The following CFH variants were observed in gnomAD, a reference collection of about 807,000 sequenced individuals.
CFH encodes the protein H factor 1 (complement).
CFH carries 53 observed loss-of-function variants against 147.3 expected under a neutral mutation model. The observed-to-expected ratio is 0.36, with a 90% CI of 0.29 to 0.45. The LOEUF is 0.45. CFH is among the 20% of genes least tolerant of loss of function. The pLI, the probability that CFH is intolerant of heterozygous loss-of-function variation, is 1.00. For missense variants in CFH, 1,380 were observed against 1,498.0 expected (o/e 0.92, Z 1.30); for synonymous variants, 536 against 489.4 (o/e 1.10, Z -1.26).
chr1:196,677,241 A>C (rs1411834630), intron 4 of CFH: 1 of 445,086 alleles, frequency 2.2e-6, no homozygotes, highest in Admixed American at 3.7e-5. Flanking sequence ...ACAAGCTAGC[A>C]TTGAAAGTAG....
At chr1:196,692,764 TTC>T (rs1558163600) in intron 9 of CFH, among the ~76,000 whole-genome samples, 6 of 38,176 alleles carry the variant, frequency 1.6e-4, no homozygotes, top group African/African-American at 9.1e-4. Flanking sequence ...CTTTCTTTCT[TTC>T]TTTCTTTCTT....
chr1:196,717,747 C>T (rs183020053), intron 11 of CFH, among the ~76,000 whole-genome samples: 13 of 152,172 alleles, frequency 8.5e-5, no homozygotes, highest in Admixed American at 7.9e-4. Flanking sequence ...GCTGCAAAGG[C>T]TGAACACATG....
rs765897045 is a variant in CFH, at chr1:196,673,020, C to T, written c.101C>T (p.Thr34Ile). The T allele has an allele frequency of 1.2e-6, 2 of 1,613,902 alleles. No homozygotes were observed. Among genetic ancestry groups the T allele is most frequent in the Non-Finnish European group, 8.5e-7 (1 of 1,179,938 alleles). Reference sequence around the variant, plus strand: ...CCAAGAAGAAATACAGAAATTCTGACAGGTTCCTGGTCTGACCAAACATAT... The same window carrying T: ...CCAAGAAGAAATACAGAAATTCTGATAGGTTCCTGGTCTGACCAAACATAT... Reference protein sequence around the residue: ...LPPRRNTEILTGSWSDQTYPE... With the variant: ...LPPRRNTEILIGSWSDQTYPE... Residue 34 changes from threonine (T) to isoleucine (I), a missense_variant, in exon 2 of 22, where the codon ACA (threonine) becomes ATA (isoleucine). Transcript: ENST00000367429.
chr1:196,682,907 GAGCTGAATGGACAC>G (rs1168965098), intron 6 of CFH, among the ~76,000 whole-genome samples: 1 of 151,478 alleles, frequency 6.6e-6, no homozygotes, highest in East Asian at 1.9e-4. Context: ...ATAAACTTAG[GAGCTGAATGGACAC>G]AGTGGAAGTA....
intron 11 of CFH, among the ~76,000 whole-genome samples, chr1:196,723,114 G>T (rs538644171): frequency 6.6e-6 from 1 of 152,200 alleles, no homozygotes; most frequent in Admixed American, 6.5e-5. Context: ...AAGAGTTAGT[G>T]TGATCCTTTG....
At chr1:196,657,739 A>G (rs1307472034) in intron 1 of CFH, among the ~76,000 whole-genome samples, 1 of 152,162 alleles carries the variant, frequency 6.6e-6, no homozygotes, top group Non-Finnish European at 1.5e-5. Context: ...GCTTTATAAT[A>G]TATTCTGATA....
chr1:196,709,526 C>T (rs147887277), intron 9 of CFH, among the ~76,000 whole-genome samples: 6 of 152,054 alleles, frequency 3.9e-5, no homozygotes, highest in Non-Finnish European at 5.9e-5. Context: ...GGATCAAGCC[C>T]GGAAGGAACT....
chr1:196,689,958 T>A, intron 8 of CFH, 105 bp from the exon 9 acceptor site: 1 of 1,267,742 alleles, frequency 7.9e-7, no homozygotes, highest in Non-Finnish European at 1.1e-6. Flanking sequence ...TTTGGATGTT[T>A]ATGCAATCTT....
chr1:196,707,373 T>C (rs203686), intron 9 of CFH, among the ~76,000 whole-genome samples: 1 of 152,202 alleles, frequency 6.6e-6, no homozygotes, highest in Non-Finnish European at 1.5e-5. Context: ...TATTATCAAA[T>C]ATACACAATC....
chr1:196,696,850 A>G (rs1355910864), intron 9 of CFH, among the ~76,000 whole-genome samples: 2 of 152,202 alleles, frequency 1.3e-5, no homozygotes, highest in East Asian at 3.9e-4. Flanking sequence ...AAATAATGCT[A>G]CATATCCACA....
At chr1:196,686,237 T>C (rs1271446949) in intron 7 of CFH, among the ~76,000 whole-genome samples, 1 of 152,094 alleles carries the variant, frequency 6.6e-6, no homozygotes, top group East Asian at 1.9e-4. Flanking sequence ...ATATCAATTA[T>C]CTACTCACAC....
At chr1:196,736,759 T>A (rs1558183003) in intron 15 of CFH, 65 bp from the exon 16 acceptor site, 4 of 824,674 alleles carry the variant, frequency 4.9e-6, no homozygotes, top group African/African-American at 1.8e-5. Flanking sequence ...TCAAAAATTC[T>A]AATTTTAATA....
intron 15 of CFH, among the ~76,000 whole-genome samples, chr1:196,729,006 T>G (rs1669217075): frequency 2.0e-5 from 3 of 152,134 alleles, no homozygotes; most frequent in African/African-American, 7.2e-5. Flanking sequence ...ATCTATTAAT[T>G]TATTGTTCAT....
At chr1:196,678,755 C>CAGGGAA (rs1451204918) in intron 5 of CFH, 3 of 151,838 alleles carry the variant, frequency 2.0e-5, no homozygotes, top group Admixed American at 6.6e-5. Flanking sequence ...TACCAGAGTT[C>CAGGGAA]AGGGAAAGGG....
chr1:196,726,778 G>A lies in CFH; in HGVS notation c.2074G>A (p.Gly692Arg). ...PVCIVEESTCGDIPELEHGWA... is the reference protein window; with the variant it reads ...PVCIVEESTCRDIPELEHGWA... ...TTACATAGTGGAGGAGAGTACCTGT[G>A]GAGATATACCTGAACTTGAACATGG... The change falls in exon 14 of 22, where the codon GGA (glycine) becomes AGA (arginine). Residue 692 changes from glycine (G) to arginine (R), a missense_variant. Coordinates refer to ENST00000367429, the MANE Select transcript of CFH (RefSeq NM_000186.4). 1.2e-6 allele frequency: 2 copies of A among 1,613,722 alleles called. No homozygotes were observed. Among genetic ancestry groups the A allele is most frequent in the Non-Finnish European group, 1.7e-6 (2 of 1,179,790 alleles).
At chr1:196,714,636 T>TATATATATATATAC (rs1668807703) in intron 10 of CFH, among the ~76,000 whole-genome samples, 3 of 16,256 alleles carry the variant, frequency 1.8e-4, no homozygotes, top group African/African-American at 1.2e-3. Flanking sequence ...CGTATATATG[T>TATATATATATATAC]ATATATATAT....
intron 1 of CFH, among the ~76,000 whole-genome samples, chr1:196,665,337 T>A (rs28688002): frequency 0.24 from 36,631 of 150,344 alleles, 4,694 homozygotes; most frequent in East Asian, 0.39. Context: ...TTTTTTGATA[T>A]TTATTCATAC....
chr1:196,668,939 G>C (rs1455976706), intron 1 of CFH, among the ~76,000 whole-genome samples: 1 of 152,198 alleles, frequency 6.6e-6, no homozygotes, highest in East Asian at 1.9e-4. Flanking sequence ...GGTTGGAACA[G>C]TTTGGAGGTC....
At chr1:196,666,007 C>A (rs555101963) in intron 1 of CFH, among the ~76,000 whole-genome samples, 1 of 152,288 alleles carries the variant, frequency 6.6e-6, no homozygotes, top group South Asian at 2.1e-4. Flanking sequence ...GGTTACTTGG[C>A]TTGAAGGAAA....
Sources: allele counts gnomAD v4.1 joint callset (sites outside exome capture counted in the v4.1 genomes callset), GRCh38; gene constraint gnomAD v4.1.1; transcripts MANE v1.5; gene names NCBI Gene and HGNC (gene_info 2026-07-23, HGNC 2026-07-21).